TAS2R1: variants seen among roughly 807,000 people sequenced by gnomAD.
The protein encoded by TAS2R1 is taste receptor type 2 member 1.
For missense variants in TAS2R1, 370 were observed against 353.4 expected, an observed-to-expected ratio of 1.05 and a Z score of -0.38; for synonymous variants, 141 against 134.2, an observed-to-expected ratio of 1.05 and a Z score of -0.35.
At chr5:9,706,558 A>G (rs962215969) in intron 1 of TAS2R1, among the ~76,000 whole-genome samples, 3 of 152,244 alleles carry the variant, frequency 2.0e-5, no homozygotes, top group Admixed American at 2.0e-4. Flanking sequence ...TCCAGGAAAC[A>G]ATGAAAGGTT....
chr5:9,883,424 C>T, the TAS2R1 span: 4 of 151,888 alleles, frequency 2.6e-5, no homozygotes, highest in African/African-American at 4.8e-5. Context: ...GGTTAGAAGT[C>T]GAAGGGAAGT....
the TAS2R1 span, among the ~76,000 whole-genome samples, chr5:9,890,265 T>C: frequency 6.6e-6 from 1 of 152,176 alleles, no homozygotes; most frequent in South Asian, 2.1e-4. Flanking sequence ...GTTAAGAGCA[T>C]AAAACTTCTG....
chr5:9,874,571 C>T, the TAS2R1 span, among the ~76,000 whole-genome samples: 181 of 152,254 alleles, frequency 1.2e-3, no homozygotes, highest in Non-Finnish European at 2.1e-3. Flanking sequence ...TCTGCTATCT[C>T]CTTCAGGTGG....
intron 1 of TAS2R1, among the ~76,000 whole-genome samples, chr5:9,694,782 T>C (rs1741325377): frequency 1.3e-5 from 2 of 152,264 alleles, no homozygotes; most frequent in Admixed American, 1.3e-4. Flanking sequence ...ATCAAATTGC[T>C]TAGTTCAATT....
the TAS2R1 span, among the ~76,000 whole-genome samples, chr5:9,893,136 G>C: frequency 1.3e-5 from 2 of 152,094 alleles, no homozygotes; most frequent in African/African-American, 4.8e-5. Context: ...GAAGGGCTCA[G>C]GGAATCTTTG....
intron 1 of TAS2R1, among the ~76,000 whole-genome samples, chr5:9,706,783 T>C (rs569605582): frequency 1.8e-4 from 27 of 152,182 alleles, no homozygotes; most frequent in African/African-American, 6.5e-4. Context: ...GTCCACTCCC[T>C]GGGTGCTGCT....
At chr5:9,666,930 G>A (rs958022188) in intron 1 of TAS2R1, among the ~76,000 whole-genome samples, 1 of 151,938 alleles carries the variant, frequency 6.6e-6, no homozygotes, top group Non-Finnish European at 1.5e-5. Flanking sequence ...ATCAAACACA[G>A]AAAAGTAGAG....
At chr5:9,670,369 C>T (rs1003501805) in intron 1 of TAS2R1, among the ~76,000 whole-genome samples, 4 of 152,140 alleles carry the variant, frequency 2.6e-5, no homozygotes, top group Non-Finnish European at 5.9e-5. Context: ...GTGCCAATCA[C>T]TGAGTTTTGA....
intron 1 of TAS2R1, among the ~76,000 whole-genome samples, chr5:9,687,420 T>G (rs1470790691): frequency 6.6e-6 from 1 of 152,162 alleles, no homozygotes; most frequent in East Asian, 1.9e-4. Flanking sequence ...GATTAAAAAG[T>G]GTGAGGTGTT....
chr5:9,888,478 C>A, the TAS2R1 span, among the ~76,000 whole-genome samples: 1 of 152,220 alleles, frequency 6.6e-6, no homozygotes, highest in Non-Finnish European at 1.5e-5. Context: ...GGACCCAACA[C>A]AGCCTGCTGA....
chr5:9,744,211 G>C, the TAS2R1 span, among the ~76,000 whole-genome samples: 1 of 152,126 alleles, frequency 6.6e-6, no homozygotes, highest in Non-Finnish European at 1.5e-5. Context: ...ACATTTTTAA[G>C]ACTCTGTAAA....
At chr5:9,844,770 A>G in the TAS2R1 span, among the ~76,000 whole-genome samples, 1 of 152,184 alleles carries the variant, frequency 6.6e-6, no homozygotes, top group East Asian at 1.9e-4. Flanking sequence ...CTACAAAAAA[A>G]GTAAGCTAAT....
At chr5:9,638,315 G>A (rs1740002822) in intron 2 of TAS2R1, among the ~76,000 whole-genome samples, 1 of 152,238 alleles carries the variant, frequency 6.6e-6, no homozygotes, top group Admixed American at 6.5e-5. Flanking sequence ...TCCAGCACCT[G>A]CTCTAGTGGA....
chr5:9,736,150 A>T, the TAS2R1 span, among the ~76,000 whole-genome samples: 1 of 152,196 alleles, frequency 6.6e-6, no homozygotes, highest in African/African-American at 2.4e-5. Flanking sequence ...TCAGTGTTTT[A>T]CACAGGTTTT....
At chr5:9,903,680 G>A in the TAS2R1 span, 1 of 152,198 alleles carries the variant, frequency 6.6e-6, no homozygotes, top group Non-Finnish European at 1.5e-5. Flanking sequence ...AAGGAGTCCT[G>A]TGATGTGATC....
chr5:9,894,990 T>C, the TAS2R1 span, among the ~76,000 whole-genome samples: 1 of 152,250 alleles, frequency 6.6e-6, no homozygotes, highest in Non-Finnish European at 1.5e-5. Flanking sequence ...CTAACATAAC[T>C]GGAGAAGACC....
chr5:9,882,961 A>G, the TAS2R1 span, among the ~76,000 whole-genome samples: 2 of 152,258 alleles, frequency 1.3e-5, no homozygotes, highest in African/African-American at 4.8e-5. Flanking sequence ...AATAGTGAAG[A>G]CATTGGATCA....
At chr5:9,782,641 A>G in the TAS2R1 span, among the ~76,000 whole-genome samples, 1 of 152,198 alleles carries the variant, frequency 6.6e-6, no homozygotes, top group Non-Finnish European at 1.5e-5. Flanking sequence ...TCTTTACATC[A>G]CTGATGGGCG....
At chr5:9,633,103 G>T (rs1015942679), upstream of TAS2R1, among the ~76,000 whole-genome samples, 2 of 151,430 alleles carry the variant, frequency 1.3e-5, no homozygotes, top group East Asian at 3.9e-4. Flanking sequence ...GTATTGGCGG[G>T]CATGAAAACA....
Sources: gnomAD v4.1 joint callset for allele counts (sites outside exome capture counted in the v4.1 genomes callset) on GRCh38, gnomAD v4.1.1 for gene constraint, MANE v1.5 for transcripts, NCBI Gene and HGNC (gene_info 2026-07-23, HGNC 2026-07-21) for gene names.